Variants in LMNA observed in about 807,000 individuals in gnomAD.
LMNA encodes the protein lamin A/C.
In LMNA, 20 loss-of-function variants were observed where a neutral mutation model predicts 70.4. The ratio of observed to expected loss-of-function variants is 0.28; its 90% CI spans 0.20 to 0.41. The LOEUF is 0.41. Ranked by LOEUF, LMNA falls within the 10% of genes least tolerant of loss-of-function variation. The pLI is 1.00. For synonymous variants in LMNA, 339 were observed against 372.8 expected, an observed-to-expected ratio of 0.91 and a Z score of 1.04; for missense variants, 652 against 917.2, an observed-to-expected ratio of 0.71 and a Z score of 3.73.
intron 1 of LMNA, chr1:156,126,411 A>G (rs1425293065): frequency 1.6e-6 from 1 of 625,426 alleles, no homozygotes; most frequent in Non-Finnish European, 2.9e-6. Flanking sequence ...TGCCCCCAGC[A>G]ACCGGGCCCA....
In LMNA at chr1:156,135,880, A is replaced by AGGGCCCCC; in HGVS notation, c.937-21_937-20insGGGCCCCC. ...ACTTAGGGCCCTTGGGAGCTCACCA[A>AGGGCCCCC]ACCCTCCCACCCCCCTTCAGCTGGC... On this transcript the variant is annotated intron_variant, in intron 5 of 11. Coordinates refer to ENST00000368300, the MANE Select transcript of LMNA (RefSeq NM_170707.4). The surrounding 1 kb of genome is among the most constrained non-coding windows in gnomAD (Gnocchi z 4.8). 6.2e-7 allele frequency: 1 copy of AGGGCCCCC among 1,607,822 alleles called. No homozygotes were observed. Among genetic ancestry groups the AGGGCCCCC allele is most frequent in the Non-Finnish European group, 8.5e-7 (1 of 1,175,524 alleles).
rs1340480656 is a variant in LMNA at position 156,134,864 on chromosome 1, G to A, written c.699G>A (p.Lys233=). 6.2e-7 allele frequency: 1 copy of A among 1,614,258 alleles called. No homozygotes were observed. Among genetic ancestry groups the A allele is most frequent in the Admixed American group, 1.7e-5 (1 of 60,028 alleles). The part of the protein sequence containing the change: ...ETRLVEIDNG[K]QREFESRLAD... Reference sequence around the variant, plus strand: ...GACTGGTGGAGATTGACAATGGGAAGCAGCGTGAGTTTGAGAGCCGGCTGG... The same window carrying A: ...GACTGGTGGAGATTGACAATGGGAAACAGCGTGAGTTTGAGAGCCGGCTGG... The change falls in exon 4 of 12, where the codon AAG becomes AAA. Residue 233 remains lysine, a synonymous_variant. Transcript: ENST00000368300. This position sits in a 1 kb window ranked among gnomAD's most constrained non-coding sequence, Gnocchi z 5.3.
chr1:156,117,090 T>C, intron 1 of LMNA, among the ~76,000 whole-genome samples: 2 of 150,036 alleles, frequency 1.3e-5, no homozygotes, highest in East Asian at 2.0e-4. Context: ...TTTTTTTTTT[T>C]TTTTTTTTTT....
intron 1 of LMNA, chr1:156,126,703 C>T: frequency 6.5e-7 from 1 of 1,543,596 alleles, no homozygotes. Flanking sequence ...TGTTCCCCTC[C>T]CCACCCCCTC....
At position 156,139,686 on chromosome 1, in the gene LMNA, C is replaced by T. The variant is rs1435826351; in HGVS notation, c.*580C>T. The T allele has an allele frequency of 4.6e-6, 7 of 1,517,396 alleles. No individual in the cohort carries two copies. Among genetic ancestry groups the T allele is most frequent in the African/African-American group, 1.4e-5 (1 of 72,370 alleles). The allele number at this position is 1,517,396 out of a possible 1,614,324, so 94.0% of individuals were successfully genotyped here. ...TGAGGTTCCTCTGCCTGCCCCGCCC[C>T]CAGTCCCCACCCCTGCCCCCAGCCC... On this transcript the variant is annotated 3_prime_UTR_variant, in exon 12 of 12. Transcript: ENST00000368300.
intron 3 of LMNA, among the ~76,000 whole-genome samples, chr1:156,102,381 C>A (rs1318581833): frequency 1.3e-5 from 2 of 152,144 alleles, no homozygotes; most frequent in Non-Finnish European, 2.9e-5. Context: ...ACCGCAGACA[C>A]CCAGGCAGGG....
At chr1:156,097,338 C>T (rs558859676) in intron 3 of LMNA, among the ~76,000 whole-genome samples, 12 of 152,224 alleles carry the variant, frequency 7.9e-5, no homozygotes, top group Non-Finnish European at 1.5e-4. Flanking sequence ...CTCCTTCTCA[C>T]TGCTGAGCAT....
At chr1:156,107,640 A>C (rs1649397825) in intron 3 of LMNA, among the ~76,000 whole-genome samples, 1 of 152,004 alleles carries the variant, frequency 6.6e-6, no homozygotes, top group Non-Finnish European at 1.5e-5. Flanking sequence ...CTCTGACTTT[A>C]CAAATAGCTG....
chr1:156,095,049 G>A (rs188876221), intron 3 of LMNA, among the ~76,000 whole-genome samples: 1 of 151,976 alleles, frequency 6.6e-6, no homozygotes, highest in East Asian at 1.9e-4. Context: ...AGCCTCCCAA[G>A]TAGCTGGGAC....
At position 156,130,735 on chromosome 1, in the gene LMNA, G is replaced by T. The variant is rs267607622; in HGVS notation, c.475G>T (p.Glu159Ter). ...STALSEKRTLEGELHDLRGQV... is the reference protein window; with the variant it reads ...STALSEKRTL The stretch of plus-strand genomic sequence containing the variant: ...TGCTCTCAGTGAGAAGCGCACGCTG[G>T]AGGGCGAGCTGCATGATCTGCGGGG... Residue 159 changes from glutamate (E) to a stop codon, truncating the protein, a stop_gained, in exon 2 of 12, where the codon GAG becomes TAG. Transcript: ENST00000368300. LOFTEE classifies it high-confidence loss of function. 6.2e-7 allele frequency: 1 copy of T among 1,606,782 alleles called. No homozygotes were observed. The highest frequency in any genetic ancestry group is 8.5e-7 in the Non-Finnish European group (1 of 1,177,000).
At chr1:156,133,922 G>A (rs1383815942) in intron 2 of LMNA, among the ~76,000 whole-genome samples, 3 of 152,180 alleles carry the variant, frequency 2.0e-5, no homozygotes, top group Non-Finnish European at 4.4e-5. Context: ...GGCATACTTT[G>A]GTTCCTTCTC....
rs750502530 is a variant in LMNA at position 156,135,871 on chromosome 1, A to G, written c.937-30A>G. 8 of 1,598,094 alleles carry G rather than the reference A, an allele frequency of 5.0e-6. No individual in the cohort carries two copies. Among genetic ancestry groups the G allele is most frequent in the Non-Finnish European group, 6.9e-6 (8 of 1,167,700 alleles). On this transcript the variant is annotated intron_variant, in intron 5 of 11. Transcript: ENST00000368300. The surrounding 1 kb of genome is among the most constrained non-coding windows in gnomAD (Gnocchi z 4.8). ...CTTCCCCATACTTAGGGCCCTTGGG[A>G]GCTCACCAAACCCTCCCACCCCCCT... is the stretch of plus-strand genomic sequence containing the variant.
At position 156,136,938 on chromosome 1, in the gene LMNA, T is replaced by C. The variant is rs779266133; in HGVS notation, c.1398T>C (p.Asn466=). 4 of 1,614,018 alleles carry C rather than the reference T, an allele frequency of 2.5e-6. No individual in the cohort carries two copies. The highest frequency in any genetic ancestry group is 2.2e-5 in the East Asian group (1 of 44,872). Reference sequence around the variant, plus strand: ...CCCGGCAGGACCAGTCCATGGGCAATTGGCAGATCAAGCGCCAGAATGGAG... The same window carrying C: ...CCCGGCAGGACCAGTCCATGGGCAACTGGCAGATCAAGCGCCAGAATGGAG... ...NKSNEDQSMG[N]WQIKRQNGDD... is the part of the protein sequence containing the mutation. Residue 466 remains asparagine, a synonymous_variant, in exon 8 of 12, where the codon AAT becomes AAC. Coordinates refer to ENST00000368300, the MANE Select transcript of LMNA (RefSeq NM_170707.4). The surrounding 1 kb of genome is among the most constrained non-coding windows in gnomAD (Gnocchi z 6.1).
At chr1:156,108,656 C>T (rs1360726970) in intron 3 of LMNA, among the ~76,000 whole-genome samples, 1 of 151,994 alleles carries the variant, frequency 6.6e-6, no homozygotes, top group East Asian at 1.9e-4. Flanking sequence ...GTCCCAGCTA[C>T]TCGGGAGGCT....
intron 1 of LMNA, among the ~76,000 whole-genome samples, chr1:156,116,173 G>A (rs1434357549): frequency 2.0e-5 from 3 of 152,178 alleles, no homozygotes; most frequent in African/African-American, 7.2e-5. Context: ...CTTGGGGTGA[G>A]CCACTTTCAT....
chr1:156,115,463 G>A lies in LMNA; in HGVS notation c.356+189G>A, dbSNP rs576399926. Among the ~76,000 whole-genome samples, 120 of 152,350 alleles carry A rather than the reference G, an allele frequency of 7.9e-4. No homozygotes were observed. The highest frequency in any genetic ancestry group is 2.8e-3 in the African/African-American group (115 of 41,592). ...CAAGGGGAATTGTCAAGACAGGACAGAGAGGGAAGTGGTGGTCTCTGGGAG... is the reference window on the plus strand; with the variant it reads ...CAAGGGGAATTGTCAAGACAGGACAAAGAGGGAAGTGGTGGTCTCTGGGAG... On this transcript the variant is annotated intron_variant, in intron 1 of 11. Coordinates refer to ENST00000368300, the MANE Select transcript of LMNA (RefSeq NM_170707.4). This position sits in a 1 kb window ranked among gnomAD's most constrained non-coding sequence, Gnocchi z 5.8.
At chr1:156,108,503 G>T (rs1358990448) in intron 3 of LMNA, among the ~76,000 whole-genome samples, 1 of 152,158 alleles carries the variant, frequency 6.6e-6, no homozygotes, top group African/African-American at 2.4e-5. Context: ...GCTGGGCGTG[G>T]TGGCTCATGC....
rs1163970976 is a variant in LMNA at position 156,103,381 on chromosome 1, A to T, written c.-206-11332A>T. Among the ~76,000 whole-genome samples the T allele has an allele frequency of 1.3e-5, 2 of 152,104 alleles. No homozygotes were observed. The highest frequency in any genetic ancestry group is 4.1e-4 in the South Asian group (2 of 4,820). ...GCCGCCAAGGAAGAGGGCCCCCAGT[A>T]TGCCCCTCTTGTGTGCTGGGCCCTC... On this transcript the variant is annotated intron_variant, in intron 3 of 12. Transcript: ENST00000368301. This position sits in a 1 kb window ranked among gnomAD's most constrained non-coding sequence, Gnocchi z 4.7.
At chr1:156,087,311 TC>T (rs1648517442) in intron 2 of LMNA, among the ~76,000 whole-genome samples, 1 of 149,204 alleles carries the variant, frequency 6.7e-6, no homozygotes, top group South Asian at 2.1e-4. Context: ...TGGCGCCATC[TC>T]GGCTCACTGC....
Sources: allele counts gnomAD v4.1 joint callset (sites outside exome capture counted in the v4.1 genomes callset), GRCh38; gene constraint gnomAD v4.1.1; non-coding constraint Gnocchi (gnomAD v3.1); transcripts MANE v1.5; gene names NCBI Gene and HGNC (gene_info 2026-07-23, HGNC 2026-07-21).